Variants in SAMHD1 observed in about 807,000 individuals in gnomAD.
SAMHD1 encodes the protein deoxynucleoside triphosphate triphosphohydrolase SAMHD1.
Under a neutral mutation model 79.6 loss-of-function variants are expected in SAMHD1, and 54 were observed. The observed-to-expected ratio is 0.68, with a 90% CI of 0.55 to 0.85. SAMHD1 has a LOEUF of 0.85. Among genes scored for constraint, SAMHD1 ranks in the 40% least tolerant of loss-of-function variants. The pLI is 0.00. For synonymous variants in SAMHD1, 260 were observed against 264.1 expected (o/e 0.98, Z 0.15); for missense variants, 663 against 782.7 (o/e 0.85, Z 1.82).
intron 2 of SAMHD1, among the ~76,000 whole-genome samples, chr20:36,945,993 C>G (rs1031561858): frequency 2.0e-5 from 3 of 150,962 alleles, no homozygotes; most frequent in Admixed American, 2.0e-4. Context: ...CGAAAACAAA[C>G]AGCAGGTGGC....
chr20:36,902,595 T>C (rs534987934), intron 13 of SAMHD1, among the ~76,000 whole-genome samples: 2 of 152,108 alleles, frequency 1.3e-5, no homozygotes, highest in African/African-American at 4.8e-5. Flanking sequence ...TCCAGGAGCA[T>C]TTATGTGTCC....
intron 7 of SAMHD1, among the ~76,000 whole-genome samples, chr20:36,917,711 C>A (rs2063484484): frequency 6.6e-6 from 1 of 152,082 alleles, no homozygotes. Context: ...TGAATTCATG[C>A]ATTAAAACAG....
At chr20:36,947,947 T>C (rs1403057534) in intron 1 of SAMHD1, among the ~76,000 whole-genome samples, 1 of 151,774 alleles carries the variant, frequency 6.6e-6, no homozygotes, top group Admixed American at 6.6e-5. Flanking sequence ...GCTGGGATTA[T>C]AGGTATGAGC....
At chr20:36,893,308 G>A (rs2148352476) in intron 15 of SAMHD1, 1 of 566,484 alleles carries the variant, frequency 1.8e-6, no homozygotes, top group Non-Finnish European at 3.1e-6. Flanking sequence ...AGATGACTGG[G>A]AGCAGCATAC....
At chr20:36,938,618 T>C (rs954490609) in intron 3 of SAMHD1, among the ~76,000 whole-genome samples, 2 of 151,520 alleles carry the variant, frequency 1.3e-5, no homozygotes, top group African/African-American at 4.8e-5. Context: ...GGGTGGATTA[T>C]GAGGTCAGGA....
At chr20:36,948,096 C>T (rs2063706601) in intron 1 of SAMHD1, among the ~76,000 whole-genome samples, 1 of 152,118 alleles carries the variant, frequency 6.6e-6, no homozygotes, top group South Asian at 2.1e-4. Flanking sequence ...AGTTACTTTA[C>T]ATCTTTGGAC....
At chr20:36,911,521 C>T in intron 10 of SAMHD1, 188 bp from the exon 11 acceptor site, 1 of 585,244 alleles carries the variant, frequency 1.7e-6, no homozygotes. Flanking sequence ...TACTGTGTTC[C>T]AGGCACTGTC....
At chr20:36,917,256 C>A in intron 7 of SAMHD1, 1 of 557,548 alleles carries the variant, frequency 1.8e-6, no homozygotes. Context: ...ATATGATACC[C>A]TATTGTTACC....
intron 6 of SAMHD1, 60 bp from the exon 7 acceptor site, chr20:36,919,579 T>C (rs2063493986): frequency 6.8e-7 from 1 of 1,479,250 alleles, no homozygotes; most frequent in Admixed American, 1.7e-5. Context: ...GAGCCCTGAC[T>C]AACAAAATTA....
At chr20:36,941,488 A>T (rs961737937) in intron 2 of SAMHD1, among the ~76,000 whole-genome samples, 1 of 152,160 alleles carries the variant, frequency 6.6e-6, no homozygotes, top group Non-Finnish European at 1.5e-5. Context: ...ACCAGGTATG[A>T]CTCAAGCATG....
intron 1 of SAMHD1, among the ~76,000 whole-genome samples, chr20:36,950,318 CA>C (rs2063725110): frequency 6.7e-6 from 1 of 148,992 alleles, no homozygotes; most frequent in South Asian, 2.1e-4. Flanking sequence ...AACGAAAGGG[CA>C]AAAGGGGGAA....
In SAMHD1 at chr20:36,907,555, T is replaced by G. The variant is rs2063412301; in HGVS notation, c.1271-2052A>C. Among the ~76,000 whole-genome samples, 3 of 91,526 alleles carry G rather than the reference T, an allele frequency of 3.3e-5. No individual in the cohort carries two copies. In the South Asian group the frequency reaches 1.7e-3, roughly 51 times the overall value. The allele number at this position is 91,526 out of a possible 152,430, so 60.0% of individuals were successfully genotyped here. On this transcript the variant is annotated intron_variant, in intron 11 of 15. Transcript: ENST00000646673. ...TAAAGATGACTTTTTTTTTTTTTTT[T>G]TTTTTAGACAGACTCACCCTGTTAC...
intron 5 of SAMHD1, 59 bp from the exon 6 acceptor site, chr20:36,927,311 T>A: frequency 7.2e-7 from 1 of 1,387,926 alleles, no homozygotes; most frequent in East Asian, 2.3e-5. Context: ...CAAAAACTTT[T>A]TCCTTTTTTT....
intron 3 of SAMHD1, 22 bp from the exon 4 acceptor site, chr20:36,935,211 A>G (rs1419878248): frequency 1.3e-6 from 2 of 1,596,860 alleles, no homozygotes; most frequent in East Asian, 4.5e-5. Flanking sequence ...TGTTTAATTA[A>G]TACAAATAAC....
intron 6 of SAMHD1, among the ~76,000 whole-genome samples, chr20:36,922,335 ATGT>A (rs2063511167): frequency 6.6e-6 from 1 of 152,346 alleles, no homozygotes; most frequent in Non-Finnish European, 1.5e-5. Flanking sequence ...ATATAAGAAA[ATGT>A]TGTTTTTAGG....
At chr20:36,898,663 C>T in intron 13 of SAMHD1, 119 bp from the exon 14 acceptor site, 2 of 790,320 alleles carry the variant, frequency 2.5e-6, no homozygotes, top group Admixed American at 2.0e-5. Flanking sequence ...CCTATAATCC[C>T]AGCACTTTGG....
intron 13 of SAMHD1, among the ~76,000 whole-genome samples, chr20:36,902,132 T>C (rs182776268): frequency 5.9e-5 from 9 of 152,238 alleles, no homozygotes; most frequent in Admixed American, 2.6e-4. Flanking sequence ...GGAAGCATGG[T>C]TGGAGTTCTG....
intron 11 of SAMHD1, among the ~76,000 whole-genome samples, chr20:36,906,259 A>G (rs1365409856): frequency 3.9e-5 from 6 of 152,012 alleles, no homozygotes; most frequent in Non-Finnish European, 7.4e-5. Flanking sequence ...CCAACATGGC[A>G]AAACCCTGCC....
intron 15 of SAMHD1, among the ~76,000 whole-genome samples, chr20:36,896,563 A>T (rs779244571): frequency 1.3e-5 from 2 of 151,866 alleles, no homozygotes; most frequent in South Asian, 4.2e-4. Flanking sequence ...CTGGCTGGGC[A>T]TGGTGGCTCA....
Sources: gnomAD v4.1 joint callset for allele counts (sites outside exome capture counted in the v4.1 genomes callset) on GRCh38, gnomAD v4.1.1 for gene constraint, MANE v1.5 for transcripts, NCBI Gene and HGNC (gene_info 2026-07-23, HGNC 2026-07-21) for gene names.